The following TRIM45 variants were observed in gnomAD, a reference collection of about 807,000 sequenced individuals.
TRIM45 encodes the protein E3 ubiquitin-protein ligase TRIM45.
Under a neutral mutation model 46.7 loss-of-function variants are expected in TRIM45, and 45 were observed. That is an observed-to-expected ratio of 0.96 (90% CI 0.76 to 1.24). TRIM45 has a LOEUF of 1.24. TRIM45 is among the 50% of genes most tolerant of loss of function. TRIM45 has a pLI of 0.00. For synonymous variants in TRIM45, 259 were observed against 285.8 expected (o/e 0.91, Z 0.94); for missense variants, 680 against 728.4 (o/e 0.93, Z 0.77).
rs1237765138 is a variant in TRIM45, at chr1:117,111,944, C to G, written c.*361G>C. 8.6e-6 allele frequency: 1 copy of G among 115,830 alleles called. No individual in the cohort carries two copies. The allele number at this position is 115,830 out of a possible 1,614,324, so 7.2% of individuals were successfully genotyped here. A position where few individuals can be genotyped will look rare whatever the true frequency, so the allele number is the denominator to read the frequency against. On this transcript the variant is annotated 3_prime_UTR_variant, in exon 6 of 6. Transcript: ENST00000256649. ...CCTGGGTGACAGAGTGAGACTCTGT[C>G]TTTAAAAAAAAAAAAAAAAGAAAAA...
At position 117,117,957 on chromosome 1, in the gene TRIM45, C is replaced by A; in HGVS notation, c.1222+77G>T. 1 of 1,537,948 alleles carries A rather than the reference C, an allele frequency of 6.5e-7. No individual in the cohort carries two copies. Among genetic ancestry groups the A allele is most frequent in the South Asian group, 1.3e-5 (1 of 79,302 alleles). ...CTGGTCAGTAGGGCATGCTTCCTAG[C>A]AGAACAAGCCACCAATCTTCACACA... On this transcript the variant is annotated intron_variant, in intron 2 of 5. Transcript: ENST00000256649. This position sits in a 1 kb window ranked among gnomAD's most constrained non-coding sequence, Gnocchi z 4.9.
At position 117,115,462 on chromosome 1, in the gene TRIM45, A is replaced by G; in HGVS notation, c.1467+113T>C. Reference sequence around the variant, plus strand: ...TGGGCTGTTTCTAAAGTGAAGAAGAAGACATGGGGATTCTATTCAATCTCT... The same window carrying G: ...TGGGCTGTTTCTAAAGTGAAGAAGAGGACATGGGGATTCTATTCAATCTCT... On this transcript the variant is annotated intron_variant, in intron 4 of 5. Coordinates refer to ENST00000256649, the MANE Select transcript of TRIM45 (RefSeq NM_025188.4). The surrounding 1 kb of genome is among the most constrained non-coding windows in gnomAD (Gnocchi z 4.2). The G allele has an allele frequency of 1.3e-6, 1 of 752,186 alleles. No individual in the cohort carries two copies. The highest frequency in any genetic ancestry group is 2.3e-6 in the Non-Finnish European group (1 of 443,632). 46.6% of individuals were successfully genotyped at this position (752,186 alleles called of 1,614,324 possible).
chr1:117,115,570 C>T lies in TRIM45; in HGVS notation c.1467+5G>A. The T allele has an allele frequency of 6.2e-7, 1 of 1,608,828 alleles. No individual in the cohort carries two copies. Among genetic ancestry groups the T allele is most frequent in the Non-Finnish European group, 8.5e-7 (1 of 1,175,188 alleles). On this transcript the variant is annotated splice_donor_5th_base_variant and intron_variant, in intron 4 of 5. Transcript: ENST00000256649. This position sits in a 1 kb window ranked among gnomAD's most constrained non-coding sequence, Gnocchi z 4.2. ...AGCTCAGGGAAGCACGTGCACCAGT[C>T]TTACCTGCACATGCTGTTCTTTGAT...
rs982486366 is a variant in TRIM45 at position 117,111,570 on chromosome 1, A to G, written c.*735T>C. On this transcript the variant is annotated 3_prime_UTR_variant, in exon 6 of 6. Transcript: ENST00000256649. The stretch of plus-strand genomic sequence containing the variant: ...AAATCCAATGAAAGTATGCTAACAA[A>G]AAGTGGACAGGATGAAAGGAGGTTT... 2 of 152,248 alleles carry G rather than the reference A, an allele frequency of 1.3e-5. No homozygotes were observed. The highest frequency in any genetic ancestry group is 2.9e-5 in the Non-Finnish European group (2 of 68,072). The allele number at this position is 152,248 out of a possible 1,614,324, so 9.4% of individuals were successfully genotyped here. A position where few individuals can be genotyped will look rare whatever the true frequency, so the allele number is the denominator to read the frequency against.
intron 5 of TRIM45, 55 bp from the exon 6 acceptor site, chr1:117,112,508 A>G (rs1244165197): frequency 4.7e-6 from 7 of 1,486,646 alleles, no homozygotes; most frequent in African/African-American, 2.8e-5. Context: ...GGAGGCCAGC[A>G]GTTACCATTA....
Position 117,113,851 on chromosome 1 carries a change from G to A in TRIM45, c.1468-366C>T, listed in dbSNP as rs1487389173. Among the ~76,000 whole-genome samples, 1 of 152,244 alleles carries A rather than the reference G, an allele frequency of 6.6e-6. No homozygotes were observed. The highest frequency in any genetic ancestry group is 1.9e-4 in the East Asian group (1 of 5,204). On this transcript the variant is annotated intron_variant, in intron 4 of 5. Coordinates refer to ENST00000256649, the MANE Select transcript of TRIM45 (RefSeq NM_025188.4). The surrounding 1 kb of genome is among the most constrained non-coding windows in gnomAD (Gnocchi z 4.0). ...TAGCTGGGAATAATTGTTCTGGCAA[G>A]ATGGCAGCAAAAGCAGAAGCCCATG...
rs1174749174 is a variant in TRIM45, at chr1:117,118,747, TA to T, written c.508del (p.Tyr170ThrfsTer7). On this transcript the variant is annotated frameshift_variant, in exon 2 of 6. Coordinates refer to ENST00000256649, the MANE Select transcript of TRIM45 (RefSeq NM_025188.4). LOFTEE classifies it high-confidence loss of function. This position sits in a 1 kb window ranked among gnomAD's most constrained non-coding sequence, Gnocchi z 5.7. ...QAHRRQKKTT[Y>X]HTMVDLKDLK... ...GTCTTTTAGGTCCACCATGGTGTGG[TA>T]AGTCGTTTTCTTCTGCCGCCTAGGG... 2 of 1,612,374 alleles carry T rather than the reference TA, an allele frequency of 1.2e-6. No individual in the cohort carries two copies. The highest frequency in any genetic ancestry group is 2.7e-5 in the African/African-American group (2 of 74,902).
chr1:117,120,988 TTG>T lies in TRIM45; in HGVS notation c.212_213del (p.Thr71LysfsTer3), dbSNP rs774280209. The part of the protein sequence containing the change: ...VVDIRGGDSD[T>X]SSEGSIFQEL... The stretch of plus-strand genomic sequence containing the variant: ...TCCTGGAATATTGACCCCTCAGAGC[TTG>T]TGTCAGAGTCTCCCCCTCGGATGTC... On this transcript the variant is annotated frameshift_variant, in exon 1 of 6. Coordinates refer to ENST00000256649, the MANE Select transcript of TRIM45 (RefSeq NM_025188.4). LOFTEE classifies it high-confidence loss of function. The T allele has an allele frequency of 6.2e-7, 1 of 1,614,130 alleles. No homozygotes were observed.
rs1440782693 is a variant in TRIM45, at chr1:117,113,474, G to A, written c.1479C>T (p.Phe493=). The change falls in exon 5 of 6, where the codon TTC becomes TTT. Residue 493 remains phenylalanine (F), a synonymous_variant. Coordinates refer to ENST00000256649, the MANE Select transcript of TRIM45 (RefSeq NM_025188.4). The surrounding 1 kb of genome is among the most constrained non-coding windows in gnomAD (Gnocchi z 4.0). ...GGTGCTTTCTCCTCACCATCACAGT[G>A]AATGGCGAGCCCTGCAGTGTTCAGA... ...IKEQHVQGSP[F]TVMVRRKHRP... The A allele has an allele frequency of 6.2e-7, 1 of 1,612,776 alleles. No individual in the cohort carries two copies. The highest frequency in any genetic ancestry group is 8.5e-7 in the Non-Finnish European group (1 of 1,180,018).
At chr1:117,123,850 C>T (rs928990623), upstream of TRIM45, among the ~76,000 whole-genome samples, 30 of 152,212 alleles carry the variant, frequency 2.0e-4, no homozygotes, top group African/African-American at 6.5e-4. Context: ...AGGCTCCTCT[C>T]GAACTCCTGA....
In TRIM45 at chr1:117,121,503, T is replaced by C; in HGVS notation, c.-302A>G. 1 of 528,208 alleles carries C rather than the reference T, an allele frequency of 1.9e-6. No individual in the cohort carries two copies. Among genetic ancestry groups the C allele is most frequent in the Non-Finnish European group, 3.3e-6 (1 of 300,856 alleles). The allele number at this position is 528,208 out of a possible 1,614,324, so 32.7% of individuals were successfully genotyped here. A position where few individuals can be genotyped will look rare whatever the true frequency, so the allele number is the denominator to read the frequency against. On this transcript the variant is annotated 5_prime_UTR_variant, in exon 1 of 6. Coordinates refer to ENST00000256649, the MANE Select transcript of TRIM45 (RefSeq NM_025188.4). This position sits in a 1 kb window ranked among gnomAD's most constrained non-coding sequence, Gnocchi z 4.2. Reference sequence around the variant, plus strand: ...CCAGGTCTAGCTCTCCAGCTAGTCCTGCTGCCAACAAAGTCACCCCTGCAC... The same window carrying C: ...CCAGGTCTAGCTCTCCAGCTAGTCCCGCTGCCAACAAAGTCACCCCTGCAC...
Position 117,120,749 on chromosome 1 carries a change from T to C in TRIM45, c.453A>G (p.Lys151=), listed in dbSNP as rs148522737. 18 of 1,612,776 alleles carry C rather than the reference T, an allele frequency of 1.1e-5. No homozygotes were observed. Among genetic ancestry groups the C allele is most frequent in the Non-Finnish European group, 1.4e-5 (17 of 1,179,138 alleles). Residue 151 remains lysine, a synonymous_variant, in exon 1 of 6, where the codon AAA becomes AAG. Coordinates refer to ENST00000256649, the MANE Select transcript of TRIM45 (RefSeq NM_025188.4). ...REVEKRCQTC[K]ANLCHFCCQA... is the part of the protein sequence containing the mutation. ...GGCAGCAGAAGTGGCAGAGGTTGGC[T>C]TTGCAGGTCTGACACCTCTTCTCTA... is the stretch of plus-strand genomic sequence containing the variant.
upstream of TRIM45, among the ~76,000 whole-genome samples, chr1:117,123,124 GCCA>G (rs372603239): frequency 4.1e-4 from 62 of 151,452 alleles, 1 homozygote; most frequent in African/African-American, 1.3e-3. Context: ...TGAGTCAAAT[GCCA>G]CCTTTATATA....
At position 117,121,500 on chromosome 1, in the gene TRIM45, T is replaced by C. The variant is rs1267709756; in HGVS notation, c.-299A>G. The C allele has an allele frequency of 3.8e-6, 2 of 526,906 alleles. No homozygotes were observed. Among genetic ancestry groups the C allele is most frequent in the African/African-American group, 3.9e-5 (2 of 51,116 alleles). The allele number at this position is 526,906 out of a possible 1,614,324, so 32.6% of individuals were successfully genotyped here. A position where few individuals can be genotyped will look rare whatever the true frequency, so the allele number is the denominator to read the frequency against. ...CTTCCAGGTCTAGCTCTCCAGCTAG[T>C]CCTGCTGCCAACAAAGTCACCCCTG... On this transcript the variant is annotated 5_prime_UTR_variant, in exon 1 of 6. Coordinates refer to ENST00000256649, the MANE Select transcript of TRIM45 (RefSeq NM_025188.4). This position sits in a 1 kb window ranked among gnomAD's most constrained non-coding sequence, Gnocchi z 4.2.
intron 1 of TRIM45, among the ~76,000 whole-genome samples, chr1:117,119,585 C>T (rs1447471588): frequency 6.7e-6 from 1 of 149,586 alleles, no homozygotes; most frequent in African/African-American, 2.5e-5. Context: ...CCAGCCTGGG[C>T]GACTAGAGCC....
intron 1 of TRIM45, 130 bp downstream of exon 1, chr1:117,120,584 T>G (rs1557848911): frequency 1.5e-6 from 2 of 1,324,718 alleles, no homozygotes; most frequent in Admixed American, 2.4e-5. Flanking sequence ...TATTGCATTG[T>G]TATATTGCTC....
Position 117,112,260 on chromosome 1 carries a change from T to G in TRIM45, c.*45A>C. ...CGAAGGTCTGGGTCCTCTGGAAATC[T>G]CAAGTGGTGCTGCCTGCAGCTTTAA... On this transcript the variant is annotated 3_prime_UTR_variant, in exon 6 of 6. Coordinates refer to ENST00000256649, the MANE Select transcript of TRIM45 (RefSeq NM_025188.4). 1 of 1,474,616 alleles carries G rather than the reference T, an allele frequency of 6.8e-7. No individual in the cohort carries two copies. Among genetic ancestry groups the G allele is most frequent in the Non-Finnish European group, 9.0e-7 (1 of 1,109,162 alleles). The allele number at this position is 1,474,616 out of a possible 1,614,324, so 91.3% of individuals were successfully genotyped here.
In TRIM45 at chr1:117,113,250, A is replaced by G; in HGVS notation, c.1594+109T>C. On this transcript the variant is annotated intron_variant, in intron 5 of 5. Coordinates refer to ENST00000256649, the MANE Select transcript of TRIM45 (RefSeq NM_025188.4). This position sits in a 1 kb window ranked among gnomAD's most constrained non-coding sequence, Gnocchi z 4.0. ...TCTACAATCACAGACTGTGCTTCCT[A>G]GAAACAGAGCCTAAGTCCAAATGTC... 5 of 1,462,560 alleles carry G rather than the reference A, an allele frequency of 3.4e-6. No individual in the cohort carries two copies. The highest frequency in any genetic ancestry group is 4.6e-6 in the Non-Finnish European group (5 of 1,079,482). The allele number at this position is 1,462,560 out of a possible 1,614,324, so 90.6% of individuals were successfully genotyped here. A position where few individuals can be genotyped will look rare whatever the true frequency, so the allele number is the denominator to read the frequency against.
rs887457864 is a variant in TRIM45 at position 117,117,006 on chromosome 1, G to A, written c.1223-261C>T. Among the ~76,000 whole-genome samples, 3 of 151,940 alleles carry A rather than the reference G, an allele frequency of 2.0e-5. No homozygotes were observed. The highest frequency in any genetic ancestry group is 4.4e-5 in the Non-Finnish European group (3 of 68,004). ...TCAGTCCTAGGACTGAAGGTCCTAT[G>A]CTTTAAAAATACTCACGACTGACCG... On this transcript the variant is annotated intron_variant, in intron 2 of 5. Coordinates refer to ENST00000256649, the MANE Select transcript of TRIM45 (RefSeq NM_025188.4). The surrounding 1 kb of genome is among the most constrained non-coding windows in gnomAD (Gnocchi z 4.9).
Sources: gnomAD v4.1 joint callset for allele counts (sites outside exome capture counted in the v4.1 genomes callset) on GRCh38, gnomAD v4.1.1 for gene constraint, Gnocchi (gnomAD v3.1) non-coding constraint, MANE v1.5 for transcripts, NCBI Gene and HGNC (gene_info 2026-07-23, HGNC 2026-07-21) for gene names.